Variants in SH3GL3 observed in about 807,000 individuals in gnomAD.
SH3GL3 encodes the protein SH3 domain containing GRB2 like 3, endophilin A3, also known as endophilin-A3.
SH3GL3 carries 33 observed loss-of-function variants against 47.7 expected under a neutral mutation model. That is an observed-to-expected ratio of 0.69 (90% CI 0.52 to 0.92). The LOEUF (loss-of-function observed/expected upper bound fraction) is 0.92, where lower values mean the gene tolerates loss of function less well. Among genes scored for constraint, SH3GL3 ranks in the 40% least tolerant of loss-of-function variants. The pLI is 0.00. For missense variants in SH3GL3, 363 were observed against 417.8 expected (o/e 0.87, Z 1.14); for synonymous variants, 155 against 148.8 (o/e 1.04, Z -0.30).
chr15:83,511,771 C>T (rs993680445), intron 1 of SH3GL3, among the ~76,000 whole-genome samples: 8 of 152,152 alleles, frequency 5.3e-5, no homozygotes, highest in Non-Finnish European at 1.0e-4. Flanking sequence ...GGTTCCCTCA[C>T]CCAGTACATC....
At chr15:83,600,239 G>C (rs986697475) in intron 8 of SH3GL3, among the ~76,000 whole-genome samples, 6 of 152,062 alleles carry the variant, frequency 3.9e-5, no homozygotes, top group African/African-American at 1.4e-4. Flanking sequence ...TTTGCTTTTG[G>C]GTTCTTGGTC....
At chr15:83,608,589 T>C (rs2060587694) in intron 8 of SH3GL3, among the ~76,000 whole-genome samples, 1 of 152,176 alleles carries the variant, frequency 6.6e-6, no homozygotes, top group African/African-American at 2.4e-5. Flanking sequence ...CAGATATGCT[T>C]GTTTGAACTC....
chr15:83,574,934 G>A (rs2151776836), intron 5 of SH3GL3, among the ~76,000 whole-genome samples: 1 of 152,290 alleles, frequency 6.6e-6, no homozygotes, highest in East Asian at 1.9e-4. Context: ...TGTGTCATGA[G>A]CACCGTTGCT....
intron 1 of SH3GL3, among the ~76,000 whole-genome samples, chr15:83,450,790 C>T (rs372547178): frequency 0.021 from 929 of 44,950 alleles, 6 homozygotes; most frequent in African/African-American, 0.048. Context: ...TATAGATTTT[C>T]TTTTTTTTTT....
At chr15:83,563,147 AT>A (rs1172438636) in intron 2 of SH3GL3, among the ~76,000 whole-genome samples, 1 of 152,220 alleles carries the variant, frequency 6.6e-6, no homozygotes, top group Admixed American at 6.5e-5. Context: ...AGTTTTCTAA[AT>A]TACAAAAATG....
At chr15:83,627,380 G>C in the SH3GL3 span, among the ~76,000 whole-genome samples, 2 of 140,536 alleles carry the variant, frequency 1.4e-5, no homozygotes, top group East Asian at 4.1e-4. Flanking sequence ...CTGGGCAACA[G>C]AGCAAGATGC....
intron 1 of SH3GL3, among the ~76,000 whole-genome samples, chr15:83,497,129 A>G (rs556242777): frequency 6.6e-6 from 1 of 152,274 alleles, no homozygotes; most frequent in South Asian, 2.1e-4. Flanking sequence ...TTACATATTT[A>G]TGGCTTCAGC....
rs971138140 is a variant in SH3GL3 at position 83,493,715 on chromosome 15, G to A, written c.45+46137G>A. Reference sequence around the variant, plus strand: ...GCAGCAACTTTCCAATCTGTAACCCGCCATGCAATCATAACCCACGTGGTC... The same window carrying A: ...GCAGCAACTTTCCAATCTGTAACCCACCATGCAATCATAACCCACGTGGTC... On this transcript the variant is annotated intron_variant, in intron 1 of 8. Coordinates refer to ENST00000427482, the MANE Select transcript of SH3GL3 (RefSeq NM_003027.5). Among the ~76,000 whole-genome samples the A allele has an allele frequency of 2.5e-4, 37 of 148,448 alleles. 1 individual carries two copies. Among genetic ancestry groups the A allele is most frequent in the Admixed American group, 2.1e-3 (31 of 15,030 alleles).
At chr15:83,561,761 C>T (rs2045286791) in intron 2 of SH3GL3, among the ~76,000 whole-genome samples, 1 of 151,970 alleles carries the variant, frequency 6.6e-6, no homozygotes, top group Non-Finnish European at 1.5e-5. Flanking sequence ...AAAGAGAATG[C>T]TGTAAATAAG....
chr15:83,565,119 A>T lies in SH3GL3; in HGVS notation c.115-15A>T, dbSNP rs751875660. ...GTTTGTCATTTACTAACTTTTTTTAAATTTTGCTTTTAAGAAAATAGATGT... is the reference window on the plus strand; with the variant it reads ...GTTTGTCATTTACTAACTTTTTTTATATTTTGCTTTTAAGAAAATAGATGT... On this transcript the variant is annotated splice_polypyrimidine_tract_variant and intron_variant, in intron 2 of 8. Coordinates refer to ENST00000427482, the MANE Select transcript of SH3GL3 (RefSeq NM_003027.5). 2 of 1,264,276 alleles carry T rather than the reference A, an allele frequency of 1.6e-6. No individual in the cohort carries two copies. The highest frequency in any genetic ancestry group is 2.0e-5 in the Admixed American group (1 of 50,742). 78.3% of individuals were successfully genotyped at this position (1,264,276 alleles called of 1,614,324 possible).
downstream of SH3GL3, among the ~76,000 whole-genome samples, chr15:83,619,470 A>G (rs2060903495): frequency 6.6e-6 from 1 of 152,146 alleles, no homozygotes; most frequent in Admixed American, 6.6e-5. Context: ...TGTCGGGCTT[A>G]ATACCTAGGC....
chr15:83,598,957 T>C (rs1386465181), intron 8 of SH3GL3, among the ~76,000 whole-genome samples: 1 of 152,238 alleles, frequency 6.6e-6, no homozygotes, highest in Non-Finnish European at 1.5e-5. Context: ...TTGAATAAAA[T>C]TGATTTTATA....
intron 8 of SH3GL3, among the ~76,000 whole-genome samples, chr15:83,597,303 G>C (rs1020213779): frequency 2.0e-5 from 3 of 152,136 alleles, no homozygotes; most frequent in Admixed American, 6.5e-5. Flanking sequence ...TCCTGCTTCC[G>C]CCTTATAAGG....
chr15:83,536,420 T>TG (rs2043913372), intron 1 of SH3GL3, among the ~76,000 whole-genome samples: 1 of 149,428 alleles, frequency 6.7e-6, no homozygotes, highest in Non-Finnish European at 1.5e-5. Context: ...TTTTTTTTTT[T>TG]TGAGACAGAG....
At chr15:83,534,354 A>G (rs1207221341) in intron 1 of SH3GL3, among the ~76,000 whole-genome samples, 1 of 152,164 alleles carries the variant, frequency 6.6e-6, no homozygotes, top group African/African-American at 2.4e-5. Context: ...TCAAAACAGG[A>G]GTGGAGTTAC....
chr15:83,534,208 C>T (rs1050386991), intron 1 of SH3GL3, among the ~76,000 whole-genome samples: 19 of 152,172 alleles, frequency 1.2e-4, no homozygotes, highest in African/African-American at 4.6e-4. Context: ...CTGTTTTCTG[C>T]CATGGGATTT....
chr15:83,471,933 G>T (rs886237059), intron 1 of SH3GL3, among the ~76,000 whole-genome samples: 4 of 151,868 alleles, frequency 2.6e-5, no homozygotes, highest in African/African-American at 7.3e-5. Context: ...ACTCAGGCTG[G>T]AGTGCAGTGG....
chr15:83,509,479 C>G (rs1216549692), intron 1 of SH3GL3, among the ~76,000 whole-genome samples: 2 of 152,190 alleles, frequency 1.3e-5, no homozygotes, highest in Non-Finnish European at 2.9e-5. Context: ...ACCAGAACTT[C>G]TCGGTAATTT....
intron 1 of SH3GL3, among the ~76,000 whole-genome samples, chr15:83,479,931 T>A (rs969740995): frequency 5.9e-5 from 9 of 152,212 alleles, no homozygotes; most frequent in African/African-American, 1.9e-4. Flanking sequence ...TGAACTGATA[T>A]GTGTAAGGCA....
Sources: gnomAD v4.1 joint callset for allele counts (sites outside exome capture counted in the v4.1 genomes callset) on GRCh38, gnomAD v4.1.1 for gene constraint, MANE v1.5 for transcripts, NCBI Gene and HGNC (gene_info 2026-07-23, HGNC 2026-07-21) for gene names.